Variants in EGLN3 observed in about 807,000 individuals in gnomAD.
The protein encoded by EGLN3 is prolyl hydroxylase EGLN3.
A neutral mutation model predicts 26.0 loss-of-function variants in EGLN3; 15 were observed. The observed-to-expected ratio is 0.58, with a 90% CI of 0.39 to 0.89. The LOEUF is 0.89. Among genes scored for constraint, EGLN3 ranks in the 40% least tolerant of loss-of-function variants. The pLI, the probability that EGLN3 is intolerant of heterozygous loss-of-function variation, is 0.00. For synonymous variants in EGLN3, 147 were observed against 127.2 expected, an observed-to-expected ratio of 1.16 and a Z score of -1.05; for missense variants, 238 against 311.6, an observed-to-expected ratio of 0.76 and a Z score of 1.78.
At chr14:33,946,024 G>C (rs2064515330) in intron 1 of EGLN3, among the ~76,000 whole-genome samples, 1 of 152,162 alleles carries the variant, frequency 6.6e-6, no homozygotes, top group South Asian at 2.1e-4. Flanking sequence ...CCACCTTCCA[G>C]AGCTAGTCTG....
At position 33,925,603 on chromosome 14, in the gene EGLN3, T is replaced by C. The variant is rs2064356314; in HGVS notation, c.*288A>G. The stretch of plus-strand genomic sequence containing the variant: ...CCCTCGCTGTGCTCCTAGGCTCTTC[T>C]CTTGATAGTATTACCGAATCTATCA... On this transcript the variant is annotated 3_prime_UTR_variant, in exon 5 of 5. Transcript: ENST00000250457. The C allele has an allele frequency of 4.7e-6, 2 of 422,240 alleles. No individual in the cohort carries two copies. The highest frequency in any genetic ancestry group is 4.3e-6 in the Non-Finnish European group (1 of 231,460). 26.2% of individuals were successfully genotyped at this position (422,240 alleles called of 1,614,324 possible).
At chr14:33,932,150 C>A (rs750518217) in intron 1 of EGLN3, among the ~76,000 whole-genome samples, 1 of 152,096 alleles carries the variant, frequency 6.6e-6, no homozygotes, top group Admixed American at 6.5e-5. Flanking sequence ...ATATTAGAAC[C>A]AGCAACACAA....
intron 3 of EGLN3, among the ~76,000 whole-genome samples, chr14:33,928,190 C>T (rs1401710840): frequency 6.6e-6 from 1 of 152,168 alleles, no homozygotes; most frequent in African/African-American, 2.4e-5. Flanking sequence ...GTTCCCTGCT[C>T]ATCTAGAAGA....
chr14:33,942,936 T>G (rs2064493320), intron 1 of EGLN3, among the ~76,000 whole-genome samples: 1 of 152,066 alleles, frequency 6.6e-6, no homozygotes, highest in East Asian at 1.9e-4. Context: ...AGGTACCAAA[T>G]GAATCCAATA....
At chr14:33,928,475 T>C (rs1297995499) in intron 3 of EGLN3, among the ~76,000 whole-genome samples, 1 of 152,168 alleles carries the variant, frequency 6.6e-6, no homozygotes, top group African/African-American at 2.4e-5. Flanking sequence ...TCTAGATTGG[T>C]CCTAAACAAT....
chr14:33,935,849 C>G (rs187179132), intron 1 of EGLN3, among the ~76,000 whole-genome samples: 1 of 152,192 alleles, frequency 6.6e-6, no homozygotes, highest in East Asian at 1.9e-4. Flanking sequence ...CCATGTCCAC[C>G]CAGTACAGAG....
chr14:33,947,826 T>C (rs907140551), intron 1 of EGLN3, among the ~76,000 whole-genome samples: 8 of 151,706 alleles, frequency 5.3e-5, no homozygotes, highest in Non-Finnish European at 1.2e-4. Context: ...CCGAGGCGGG[T>C]GGATCATGAG....
intron 3 of EGLN3, among the ~76,000 whole-genome samples, chr14:33,928,179 C>T (rs1261353414): frequency 2.6e-5 from 4 of 152,110 alleles, no homozygotes; most frequent in Admixed American, 6.5e-5. Context: ...TGGTAGAATT[C>T]GTTCCCTGCT....
At chr14:33,938,369 G>T (rs544666767) in intron 1 of EGLN3, among the ~76,000 whole-genome samples, 1 of 152,316 alleles carries the variant, frequency 6.6e-6, no homozygotes. Context: ...ATGCAATTAG[G>T]CACAGTAAAC....
chr14:33,931,225 A>G lies in EGLN3; in HGVS notation c.358-10T>C. The G allele has an allele frequency of 6.2e-7, 1 of 1,614,146 alleles. No individual in the cohort carries two copies. Among genetic ancestry groups the G allele is most frequent in the South Asian group, 1.1e-5 (1 of 91,060 alleles). On this transcript the variant is annotated splice_polypyrimidine_tract_variant and intron_variant, in intron 1 of 4. Transcript: ENST00000250457. Reference sequence around the variant, plus strand: ...AGCAAGCCACCATTGCCTATGGAGAAATCCCAAGAAAGCTGGTTAACAAAG... The same window carrying G: ...AGCAAGCCACCATTGCCTATGGAGAGATCCCAAGAAAGCTGGTTAACAAAG...
chr14:33,931,393 C>T, intron 1 of EGLN3, 178 bp from the exon 2 acceptor site: 1 of 785,750 alleles, frequency 1.3e-6, no homozygotes, highest in East Asian at 2.7e-5. Flanking sequence ...TGCACAATGG[C>T]CAGGTCATAC....
At chr14:33,950,261 T>C (rs1351092555) in intron 1 of EGLN3, 135 bp downstream of exon 1, 3 of 839,652 alleles carry the variant, frequency 3.6e-6, no homozygotes, top group Non-Finnish European at 6.0e-6. Flanking sequence ...AAGCAGCGAG[T>C]AGAGACAAAC....
intron 1 of EGLN3, among the ~76,000 whole-genome samples, chr14:33,946,134 G>A (rs2064516158): frequency 6.6e-6 from 1 of 152,128 alleles, no homozygotes; most frequent in Admixed American, 6.5e-5. Flanking sequence ...CAGCACTTTG[G>A]GAGGCACCAA....
intron 1 of EGLN3, among the ~76,000 whole-genome samples, chr14:33,944,267 G>A (rs774578664): frequency 2.0e-5 from 3 of 151,978 alleles, no homozygotes; most frequent in Non-Finnish European, 4.4e-5. Context: ...GACTACAGGC[G>A]CAAACCACCA....
chr14:33,950,228 G>A (rs927394854), intron 1 of EGLN3, 168 bp downstream of exon 1: 6 of 677,124 alleles, frequency 8.9e-6, no homozygotes, highest in Non-Finnish European at 1.6e-5. Context: ...TCGCTCAGAG[G>A]AGCTGGGGCG....
At chr14:33,929,821 A>G (rs1335145324) in intron 2 of EGLN3, among the ~76,000 whole-genome samples, 1 of 152,228 alleles carries the variant, frequency 6.6e-6, no homozygotes, top group African/African-American at 2.4e-5. Context: ...TTGACTTAAA[A>G]AAAAATGCCC....
chr14:33,931,068 A>G, intron 2 of EGLN3, 28 bp downstream of exon 2: 1 of 1,613,538 alleles, frequency 6.2e-7, no homozygotes, highest in Non-Finnish European at 8.5e-7. Flanking sequence ...TTCTAACCCC[A>G]CACTCTACTC....
intron 3 of EGLN3, among the ~76,000 whole-genome samples, chr14:33,928,847 C>T (rs1555343302): frequency 6.6e-6 from 1 of 152,162 alleles, no homozygotes; most frequent in Non-Finnish European, 1.5e-5. Context: ...CCAATATGCT[C>T]ATCTAATAGA....
chr14:33,945,707 C>A (rs1224936501), intron 1 of EGLN3, among the ~76,000 whole-genome samples: 2 of 152,232 alleles, frequency 1.3e-5, no homozygotes, highest in African/African-American at 2.4e-5. Flanking sequence ...TAGTTCATAC[C>A]TCTAAGCTTC....
Sources: allele counts gnomAD v4.1 joint callset (sites outside exome capture counted in the v4.1 genomes callset), GRCh38; gene constraint gnomAD v4.1.1; transcripts MANE v1.5; gene names NCBI Gene and HGNC (gene_info 2026-07-23, HGNC 2026-07-21).